RBM19: variants seen among roughly 807,000 people sequenced by gnomAD.
RBM19 encodes RNA binding motif protein 19, also known as probable RNA-binding protein 19.
RBM19 carries 94 observed loss-of-function variants against 116.8 expected under a neutral mutation model. The ratio of observed to expected loss-of-function variants is 0.80; its 90% CI spans 0.68 to 0.95. RBM19 has a LOEUF of 0.95. Among genes scored for constraint, RBM19 ranks in the 40% least tolerant of loss-of-function variants. The probability of loss-of-function intolerance (pLI) is 0.00; values close to 1 mark genes in which losing one functional copy is unlikely to be tolerated. For synonymous variants in RBM19, 475 were observed against 494.1 expected (o/e 0.96, Z 0.51); for missense variants, 1,161 against 1,220.7 (o/e 0.95, Z 0.73).
chr12:113,938,447 T>A (rs1870267738), intron 15 of RBM19, among the ~76,000 whole-genome samples: 1 of 111,516 alleles, frequency 9.0e-6, no homozygotes. Context: ...TGAATACCTA[T>A]CTCTAAGAAT....
intron 13 of RBM19, among the ~76,000 whole-genome samples, chr12:113,944,615 T>C (rs1110721): frequency 2.1e-4 from 32 of 151,808 alleles, no homozygotes; most frequent in African/African-American, 7.2e-4. Flanking sequence ...CTGGGCCACA[T>C]AGTGAGACCC....
intron 22 of RBM19, among the ~76,000 whole-genome samples, chr12:113,845,694 G>A (rs965133066): frequency 2.0e-5 from 3 of 152,102 alleles, no homozygotes; most frequent in Non-Finnish European, 4.4e-5. Flanking sequence ...GGAATCATAC[G>A]GTAGTGATCA....
chr12:113,899,984 G>C (rs1439730589), intron 21 of RBM19, among the ~76,000 whole-genome samples: 1 of 152,130 alleles, frequency 6.6e-6, no homozygotes, highest in Non-Finnish European at 1.5e-5. Flanking sequence ...CGGCTGCTTG[G>C]GGCAGGAGGG....
rs780888694 is a variant in RBM19 at position 113,948,942 on chromosome 12, G to A, written c.1167C>T (p.Leu389=). Reference sequence around the variant, plus strand: ...GGTCCTCCTCCTCTTCGTTCTCCCCGAGTATCCGGCCTTGCCAGGATTTGG... The same window carrying A: ...GGTCCTCCTCCTCTTCGTTCTCCCCAAGTATCCGGCCTTGCCAGGATTTGG... ...NTTKSWQGRI[L]GENEEEEDLA... The change falls in exon 10 of 24, where the codon CTC becomes CTT. Residue 389 remains leucine, a synonymous_variant. Transcript: ENST00000261741. 32 of 1,614,184 alleles carry A rather than the reference G, an allele frequency of 2.0e-5. No homozygotes were observed. Among genetic ancestry groups the A allele is most frequent in the East Asian group, 4.5e-5 (2 of 44,884 alleles).
chr12:113,909,983 T>C (rs1160960746), intron 21 of RBM19, among the ~76,000 whole-genome samples: 3 of 152,112 alleles, frequency 2.0e-5, no homozygotes, highest in African/African-American at 7.2e-5. Context: ...TAACATGACA[T>C]AGCATAGGAA....
intron 21 of RBM19, among the ~76,000 whole-genome samples, chr12:113,905,176 G>A (rs1036046099): frequency 2.0e-5 from 3 of 152,202 alleles, no homozygotes; most frequent in Non-Finnish European, 2.9e-5. Context: ...AGGCAATCAC[G>A]AGAAAGAACA....
intron 21 of RBM19, among the ~76,000 whole-genome samples, chr12:113,895,373 C>T (rs1046789183): frequency 1.3e-5 from 2 of 152,080 alleles, no homozygotes; most frequent in African/African-American, 4.8e-5. Context: ...CTCAACCATA[C>T]AACATGCCCG....
chr12:113,920,324 G>T (rs1868417145), intron 19 of RBM19, among the ~76,000 whole-genome samples: 1 of 152,208 alleles, frequency 6.6e-6, no homozygotes, highest in Admixed American at 6.5e-5. Flanking sequence ...ACCAGAAAGA[G>T]GGGCCCACGT....
intron 15 of RBM19, among the ~76,000 whole-genome samples, chr12:113,937,578 G>A (rs999599183): frequency 3.3e-5 from 5 of 152,152 alleles, no homozygotes; most frequent in South Asian, 2.1e-4. Flanking sequence ...ACCTGTATAC[G>A]TGTGCATATG....
At chr12:113,926,882 G>C (rs768461673) in intron 17 of RBM19, among the ~76,000 whole-genome samples, 172 bp downstream of exon 17, 7 of 152,226 alleles carry the variant, frequency 4.6e-5, no homozygotes, top group Non-Finnish European at 7.3e-5. Context: ...CTTCCGTTGA[G>C]TCATCTACTG....
At chr12:113,844,577 G>A in intron 23 of RBM19, 91 bp downstream of exon 23, 1 of 1,473,548 alleles carries the variant, frequency 6.8e-7, no homozygotes, top group Non-Finnish European at 9.0e-7. Flanking sequence ...ATAGCCTGCT[G>A]GGTCGAGGGC....
intron 1 of RBM19, among the ~76,000 whole-genome samples, chr12:113,963,117 T>A (rs1377194338): frequency 6.6e-6 from 1 of 152,192 alleles, no homozygotes; most frequent in Non-Finnish European, 1.5e-5. Context: ...CCACAGAGCT[T>A]CCAGAAGGAC....
chr12:113,958,615 G>A (rs1289984497), intron 5 of RBM19, among the ~76,000 whole-genome samples: 1 of 152,106 alleles, frequency 6.6e-6, no homozygotes, highest in Non-Finnish European at 1.5e-5. Flanking sequence ...TGAACTTAGT[G>A]CAGAAACGTT....
At chr12:113,874,471 G>A (rs1353110971) in intron 21 of RBM19, among the ~76,000 whole-genome samples, 2 of 152,182 alleles carry the variant, frequency 1.3e-5, no homozygotes, top group Non-Finnish European at 2.9e-5. Context: ...CCCACTGGGC[G>A]GCAGGCCTCC....
chr12:113,941,463 A>G (rs537335909), intron 14 of RBM19, among the ~76,000 whole-genome samples: 79 of 149,870 alleles, frequency 5.3e-4, no homozygotes, highest in African/African-American at 1.9e-3. Flanking sequence ...GAATGAAATG[A>G]GCTAATTAAA....
intron 2 of RBM19, among the ~76,000 whole-genome samples, chr12:113,961,079 G>A (rs184151405): frequency 7.2e-5 from 11 of 152,362 alleles, no homozygotes; most frequent in Non-Finnish European, 1.6e-4. Flanking sequence ...CTGGACTGCA[G>A]TGGCATGATC....
intron 15 of RBM19, among the ~76,000 whole-genome samples, chr12:113,939,194 T>C (rs1870330090): frequency 6.6e-6 from 1 of 152,012 alleles, no homozygotes; most frequent in South Asian, 2.1e-4. Context: ...TAGTCTCAGC[T>C]ACATGGGAGG....
intron 21 of RBM19, among the ~76,000 whole-genome samples, chr12:113,879,971 T>G (rs1879987584): frequency 6.6e-6 from 1 of 151,940 alleles, no homozygotes; most frequent in African/African-American, 2.4e-5. Flanking sequence ...GCAGCAGCTC[T>G]GCCCTACAAA....
At chr12:113,924,792 C>G (rs377655153) in intron 17 of RBM19, 35 bp from the exon 18 acceptor site, 1 of 1,511,342 alleles carries the variant, frequency 6.6e-7, no homozygotes. Flanking sequence ...ATCAGCAGCT[C>G]TAAACCACTA....
Sources: allele counts gnomAD v4.1 joint callset (sites outside exome capture counted in the v4.1 genomes callset), GRCh38; gene constraint gnomAD v4.1.1; transcripts MANE v1.5; gene names NCBI Gene and HGNC (gene_info 2026-07-23, HGNC 2026-07-21).